The following ZZZ3 variants were observed in gnomAD, a reference collection of about 807,000 sequenced individuals.
ZZZ3 encodes the protein ZZ-type zinc finger-containing protein 3.
A neutral mutation model predicts 95.2 loss-of-function variants in ZZZ3; 22 were observed. The ratio of observed to expected loss-of-function variants is 0.23; its 90% CI spans 0.17 to 0.33. ZZZ3 has a LOEUF of 0.33. Ranked by LOEUF, ZZZ3 falls within the 10% of genes least tolerant of loss-of-function variation. ZZZ3 has a pLI of 1.00. For missense variants in ZZZ3, 885 were observed against 1,066.5 expected (o/e 0.83, Z 2.37); for synonymous variants, 335 against 358.9 (o/e 0.93, Z 0.75).
rs143082540 is a variant in ZZZ3, at chr1:77,624,263, A to G, written c.1505+7587T>C. ...CCTGAGTGACAGGAGTGCCTGACAC[A>G]GAGTTCCTGAATCCCTTAGAATTTC... On this transcript the variant is annotated intron_variant, in intron 5 of 14. Coordinates refer to ENST00000370801, the MANE Select transcript of ZZZ3 (RefSeq NM_015534.6). 1.5e-3 allele frequency among the ~76,000 whole-genome samples: 233 copies of G among 152,264 alleles called. 2 individuals are homozygous for G. The highest frequency in any genetic ancestry group is 5.3e-3 in the African/African-American group (222 of 41,554).
At chr1:77,660,691 C>T (rs974857868) in intron 1 of ZZZ3, among the ~76,000 whole-genome samples, 1 of 152,194 alleles carries the variant, frequency 6.6e-6, no homozygotes, top group African/African-American at 2.4e-5. Context: ...AATCTCTCTT[C>T]AAGACCCGGC....
intron 1 of ZZZ3, among the ~76,000 whole-genome samples, chr1:77,644,723 T>A (rs938983702): frequency 6.6e-6 from 1 of 152,228 alleles, no homozygotes; most frequent in Non-Finnish European, 1.5e-5. Flanking sequence ...AGAGATCACA[T>A]CTGTGAAGTA....
chr1:77,606,338 T>C (rs1665231714), intron 5 of ZZZ3, among the ~76,000 whole-genome samples: 1 of 152,070 alleles, frequency 6.6e-6, no homozygotes, highest in Admixed American at 6.5e-5. Context: ...GAACACCAGG[T>C]AGATATCTAA....
At chr1:77,584,096 C>T (rs1352912295) in intron 6 of ZZZ3, among the ~76,000 whole-genome samples, 1 of 152,152 alleles carries the variant, frequency 6.6e-6, no homozygotes, top group African/African-American at 2.4e-5. Flanking sequence ...TGTTTTCTCT[C>T]TCAAAATGCA....
intron 4 of ZZZ3, among the ~76,000 whole-genome samples, chr1:77,639,105 G>C (rs768750106): frequency 3.6e-4 from 55 of 151,948 alleles, no homozygotes; most frequent in African/African-American, 1.3e-3. Flanking sequence ...GCAGATAAGC[G>C]GACAGTCAGA....
chr1:77,599,964 C>T (rs1460585162), intron 5 of ZZZ3, among the ~76,000 whole-genome samples: 1 of 151,946 alleles, frequency 6.6e-6, no homozygotes, highest in Non-Finnish European at 1.5e-5. Flanking sequence ...ATGTTATTTT[C>T]TTTTGCATGA....
chr1:77,589,179 A>G (rs1369209071), intron 5 of ZZZ3, among the ~76,000 whole-genome samples: 1 of 152,124 alleles, frequency 6.6e-6, no homozygotes, highest in African/African-American at 2.4e-5. Flanking sequence ...ACCCAACCAG[A>G]ACTGTTTTTA....
At chr1:77,592,800 A>G (rs934290730) in intron 5 of ZZZ3, among the ~76,000 whole-genome samples, 3 of 152,250 alleles carry the variant, frequency 2.0e-5, no homozygotes, top group Non-Finnish European at 4.4e-5. Flanking sequence ...TCACTTCTGG[A>G]AAACAGACGA....
At chr1:77,582,670 CT>C (rs11401605) in intron 6 of ZZZ3, among the ~76,000 whole-genome samples, 139 of 143,294 alleles carry the variant, frequency 9.7e-4, no homozygotes, top group East Asian at 1.4e-3. Flanking sequence ...TAATTTTTTT[CT>C]TTTTTTTTTT....
intron 14 of ZZZ3, 64 bp downstream of exon 14, chr1:77,566,017 C>A: frequency 3.0e-6 from 4 of 1,328,532 alleles, no homozygotes; most frequent in Non-Finnish European, 4.2e-6. Context: ...AAATCAAATT[C>A]ACTAATGGCT....
chr1:77,619,409 C>G (rs1666633765), intron 5 of ZZZ3, among the ~76,000 whole-genome samples: 1 of 152,114 alleles, frequency 6.6e-6, no homozygotes, highest in Non-Finnish European at 1.5e-5. Flanking sequence ...GAGTACTATC[C>G]TCTACTGAAA....
intron 5 of ZZZ3, among the ~76,000 whole-genome samples, chr1:77,594,459 C>T (rs1664026481): frequency 6.6e-6 from 1 of 151,936 alleles, no homozygotes; most frequent in Non-Finnish European, 1.5e-5. Context: ...TTAATGCTGT[C>T]CCATAGCATA....
chr1:77,638,126 T>C (rs1668458763), intron 4 of ZZZ3, among the ~76,000 whole-genome samples: 1 of 152,158 alleles, frequency 6.6e-6, no homozygotes, highest in Non-Finnish European at 1.5e-5. Context: ...GGTCAGTAAC[T>C]AGAATTAACC....
intron 5 of ZZZ3, among the ~76,000 whole-genome samples, chr1:77,591,215 A>G (rs965250246): frequency 1.3e-5 from 2 of 152,236 alleles, no homozygotes; most frequent in Non-Finnish European, 2.9e-5. Context: ...GAGCTGTATA[A>G]TAAGATGCTT....
chr1:77,601,775 T>C (rs1194592005), intron 5 of ZZZ3, among the ~76,000 whole-genome samples: 1 of 152,222 alleles, frequency 6.6e-6, no homozygotes, highest in Non-Finnish European at 1.5e-5. Flanking sequence ...AGGAGTCCTA[T>C]AAGTATTACT....
At chr1:77,609,583 TAC>T (rs1557722589) in intron 5 of ZZZ3, among the ~76,000 whole-genome samples, 1 of 152,154 alleles carries the variant, frequency 6.6e-6, no homozygotes, top group African/African-American at 2.4e-5. Context: ...GTCTGCAGAA[TAC>T]ACATCCTTTT....
At chr1:77,597,724 TCAA>T (rs1664345388) in intron 5 of ZZZ3, among the ~76,000 whole-genome samples, 1 of 151,918 alleles carries the variant, frequency 6.6e-6, no homozygotes, top group South Asian at 2.1e-4. Flanking sequence ...ACTGTTCAGA[TCAA>T]CAACAAGGCA....
intron 1 of ZZZ3, among the ~76,000 whole-genome samples, chr1:77,665,581 T>C (rs1171438489): frequency 6.6e-6 from 1 of 152,230 alleles, no homozygotes. Flanking sequence ...GACTTCACGC[T>C]TATGATTTTA....
chr1:77,674,939 A>G (rs1442391951), intron 1 of ZZZ3, among the ~76,000 whole-genome samples: 1 of 150,506 alleles, frequency 6.6e-6, no homozygotes. Flanking sequence ...GCAACAGAGT[A>G]AGACTCGGTC....
Sources: gnomAD v4.1 joint callset for allele counts (sites outside exome capture counted in the v4.1 genomes callset) on GRCh38, gnomAD v4.1.1 for gene constraint, MANE v1.5 for transcripts, NCBI Gene and HGNC (gene_info 2026-07-23, HGNC 2026-07-21) for gene names.